INSL6: variants seen among roughly 807,000 people sequenced by gnomAD.
INSL6 encodes insulin like 6.
A neutral mutation model predicts 9.4 loss-of-function variants in INSL6; 16 were observed. That is an observed-to-expected ratio of 1.70 (90% CI 1.15 to 2.59). INSL6 has a LOEUF of 2.59. Ranked by LOEUF, INSL6 falls within the 30% of genes most tolerant of loss-of-function variation. The probability of loss-of-function intolerance (pLI) is 0.00; values close to 1 mark genes in which losing one functional copy is unlikely to be tolerated. For missense variants in INSL6, 391 were observed against 257.3 expected (o/e 1.52, Z -3.56); for synonymous variants, 154 against 96.9 (o/e 1.59, Z -3.46).
the INSL6 span, chr9:5,086,196 G>GC: frequency 7.3e-6 from 4 of 550,548 alleles, no homozygotes; most frequent in Non-Finnish European, 9.6e-6. Flanking sequence ...CAGCCGCGCC[G>GC]CCCCCGCCAC....
chr9:5,126,900 G>C, intron 3 of INSL6: 1 of 550,590 alleles, frequency 1.8e-6, no homozygotes. Context: ...AAATCATGAT[G>C]CTAGCCAGCA....
the INSL6 span, among the ~76,000 whole-genome samples, chr9:5,087,165 G>A: frequency 6.6e-6 from 1 of 152,176 alleles, no homozygotes; most frequent in Non-Finnish European, 1.5e-5. Flanking sequence ...CCCGAGACTG[G>A]GTAATTTATA....
At chr9:5,160,357 A>C (rs1250144046), downstream of INSL6, among the ~76,000 whole-genome samples, 1 of 152,164 alleles carries the variant, frequency 6.6e-6, no homozygotes, top group Non-Finnish European at 1.5e-5. Flanking sequence ...ACCAGTGGTC[A>C]ACGAAGAGAT....
At chr9:5,044,589 A>G in the INSL6 span, 1 of 984,238 alleles carries the variant, frequency 1.0e-6, no homozygotes, top group African/African-American at 1.6e-5. Context: ...TAAGTCACTT[A>G]ATCAGGAAAA....
chr9:5,066,940 T>A, the INSL6 span: 9 of 381,008 alleles, frequency 2.4e-5, no homozygotes, highest in African/African-American at 1.9e-4. Context: ...AGAGATTCTG[T>A]ACAAATAAAC....
At chr9:5,044,519 A>G in the INSL6 span, 1 of 1,537,030 alleles carries the variant, frequency 6.5e-7, no homozygotes. Flanking sequence ...CTCTTTGCTC[A>G]GGTATGATTA....
intron 2 of INSL6, among the ~76,000 whole-genome samples, chr9:5,154,328 T>C (rs897310498): frequency 6.6e-6 from 1 of 152,206 alleles, no homozygotes; most frequent in South Asian, 2.1e-4. Flanking sequence ...TAATTCAAGA[T>C]GGATTAAAGA....
chr9:5,065,964 C>G, the INSL6 span, among the ~76,000 whole-genome samples: 1 of 152,060 alleles, frequency 6.6e-6, no homozygotes, highest in East Asian at 1.9e-4. Flanking sequence ...AACTTTATGT[C>G]TGTAATTTAC....
intron 2 of INSL6, among the ~76,000 whole-genome samples, chr9:5,136,156 G>A (rs1269748074): frequency 6.6e-6 from 1 of 152,106 alleles, no homozygotes; most frequent in Non-Finnish European, 1.5e-5. Flanking sequence ...AAAAGTCCAG[G>A]ACCAGATGGA....
At chr9:5,025,302 C>A in the INSL6 span, among the ~76,000 whole-genome samples, 1 of 152,122 alleles carries the variant, frequency 6.6e-6, no homozygotes, top group African/African-American at 2.4e-5. Flanking sequence ...AAACTAAATT[C>A]ACAAAATGTG....
chr9:5,132,117 C>G (rs1445291950), intron 3 of INSL6: 1 of 152,146 alleles, frequency 6.6e-6, no homozygotes, highest in African/African-American at 2.4e-5. Context: ...TATTGAAGGA[C>G]TTTGAAAAAT....
the INSL6 span, chr9:5,072,557 C>G: frequency 6.2e-7 from 1 of 1,610,636 alleles, no homozygotes; most frequent in Non-Finnish European, 8.5e-7. Flanking sequence ...AAGTAGGAGA[C>G]TACGGTCAAC....
the INSL6 span, among the ~76,000 whole-genome samples, chr9:5,073,014 T>C: frequency 4.6e-5 from 7 of 152,126 alleles, no homozygotes; most frequent in Non-Finnish European, 8.8e-5. Context: ...CTTAGTGAAA[T>C]CTAGATGCCT....
chr9:5,153,762 C>T (rs754948510), intron 2 of INSL6, among the ~76,000 whole-genome samples: 22 of 152,120 alleles, frequency 1.4e-4, no homozygotes, highest in South Asian at 4.2e-4. Context: ...ATACAACTTA[C>T]GAGGGATGTG....
chr9:5,041,730 C>T, the INSL6 span: 2 of 493,910 alleles, frequency 4.0e-6, no homozygotes, highest in Non-Finnish European at 8.1e-6. Flanking sequence ...GCTCGGGAAG[C>T]CCTTGGCGAC....
At chr9:5,079,873 A>G in the INSL6 span, among the ~76,000 whole-genome samples, 3 of 152,150 alleles carry the variant, frequency 2.0e-5, no homozygotes, top group Admixed American at 1.3e-4. Context: ...GGTTGAGAAA[A>G]TGGTATGCCA....
chr9:5,177,472 T>C (rs938561097), intron 1 of INSL6, among the ~76,000 whole-genome samples: 6 of 152,192 alleles, frequency 3.9e-5, no homozygotes, highest in African/African-American at 1.4e-4. Flanking sequence ...CACACAGAGC[T>C]GTGTGGAGTC....
At chr9:5,048,108 C>G in the INSL6 span, among the ~76,000 whole-genome samples, 1 of 152,060 alleles carries the variant, frequency 6.6e-6, no homozygotes, top group Non-Finnish European at 1.5e-5. Context: ...AGAATTTCCA[C>G]ATGAGCAGAA....
At chr9:5,070,720 A>T in the INSL6 span, among the ~76,000 whole-genome samples, 1 of 152,150 alleles carries the variant, frequency 6.6e-6, no homozygotes, top group Non-Finnish European at 1.5e-5. Context: ...GATTTATTGA[A>T]AAAAACCCAC....
Sources: allele counts gnomAD v4.1 joint callset (sites outside exome capture counted in the v4.1 genomes callset), GRCh38; gene constraint gnomAD v4.1.1; transcripts MANE v1.5; gene names NCBI Gene and HGNC (gene_info 2026-07-23, HGNC 2026-07-21).